The following COL4A5 variants were observed in gnomAD, a reference collection of about 807,000 sequenced individuals.
COL4A5 encodes the protein collagen type IV alpha 5 chain, also known as collagen alpha-5(IV) chain.
COL4A5 carries 26 observed loss-of-function variants against 130.2 expected under a neutral mutation model. That is an observed-to-expected ratio of 0.20 (90% CI 0.15 to 0.28). COL4A5 has a LOEUF of 0.28. Among genes scored for constraint, COL4A5 ranks in the 10% least tolerant of loss-of-function variants. COL4A5 has a pLI of 1.00. For synonymous variants in COL4A5, 496 were observed against 439.6 expected (o/e 1.13, Z -1.60); for missense variants, 1,131 against 1,344.3 (o/e 0.84, Z 2.48).
intron 47 of COL4A5, among the ~76,000 whole-genome samples, chrX:108,683,262 G>C (rs955721630): frequency 9.0e-6 from 1 of 111,184 alleles, no homozygotes; most frequent in African/African-American, 3.3e-5. Context: ...TATCTGTTTC[G>C]GTACCAGTAC....
intron 16 of COL4A5, 41 bp from the exon 17 acceptor site, chrX:108,582,843 A>G (rs2066272495): frequency 9.2e-7 from 1 of 1,085,578 alleles, no homozygotes; most frequent in Non-Finnish European, 1.3e-6. Flanking sequence ...TCCTAACACC[A>G]TCATTTGTGC....
At chrX:108,468,816 ATAATT>A in intron 1 of COL4A5, among the ~76,000 whole-genome samples, 1 of 109,224 alleles carries the variant, frequency 9.2e-6, no homozygotes, top group African/African-American at 3.3e-5. Context: ...CTATTAATCT[ATAATT>A]TTATTTTCTT....
At chrX:108,575,855 A>G (rs1370666361) in intron 9 of COL4A5, 55 bp from the exon 10 acceptor site, 2 of 877,710 alleles carry the variant, frequency 2.3e-6, no homozygotes, top group African/African-American at 2.0e-5. Context: ...AAAAAATACA[A>G]TAAGGGGCTT....
At chrX:108,459,918 G>A (rs1031779594) in intron 1 of COL4A5, among the ~76,000 whole-genome samples, 5 of 111,829 alleles carry the variant, frequency 4.5e-5, no homozygotes, top group Non-Finnish European at 9.4e-5. Flanking sequence ...AATGTTGTAG[G>A]AAACAAGAAA....
intron 1 of COL4A5, among the ~76,000 whole-genome samples, chrX:108,481,415 T>C (rs2064889713): frequency 9.0e-6 from 1 of 111,709 alleles, no homozygotes; most frequent in Non-Finnish European, 1.9e-5. Flanking sequence ...GTCTGTAAAC[T>C]GGCTCAAGTC....
In COL4A5 at chrX:108,597,421, A is replaced by G; in HGVS notation, c.1632A>G (p.Lys544=). ...APGAPGFPGS[K]GEPGDILTFP... ...GTGCTCCAGGCTTTCCTGGATCTAA[A>G]GGTGAACCTGGTGATATCCTCACTT... The change falls in exon 24 of 53, where the codon AAA becomes AAG. Residue 544 remains lysine (K), a synonymous_variant. Coordinates refer to ENST00000328300, the MANE Select transcript of COL4A5 (RefSeq NM_033380.3). The G allele has an allele frequency of 8.3e-7, 1 of 1,211,016 alleles. No homozygotes were observed. Among genetic ancestry groups the G allele is most frequent in the Non-Finnish European group, 1.1e-6 (1 of 895,189 alleles).
At chrX:108,656,968 A>G (rs1439805589) in intron 37 of COL4A5, among the ~76,000 whole-genome samples, 1 of 111,299 alleles carries the variant, frequency 9.0e-6, no homozygotes, top group African/African-American at 3.3e-5. Context: ...GCCTTTCCTA[A>G]TGCTGTTGTG....
chrX:108,559,367 ATTGT>A (rs1311773160), intron 3 of COL4A5, among the ~76,000 whole-genome samples: 3 of 112,498 alleles, frequency 2.7e-5, no homozygotes, highest in Non-Finnish European at 5.6e-5. Context: ...GATGCTGTTG[ATTGT>A]TTGTAGTTAT....
intron 7 of COL4A5, 71 bp downstream of exon 7, chrX:108,571,537 C>A: frequency 1.3e-6 from 1 of 754,675 alleles, no homozygotes; most frequent in Non-Finnish European, 2.1e-6. Flanking sequence ...AGTGAGAGAG[C>A]CCAATGCATT....
At chrX:108,581,675 C>T (rs1215678058) in intron 16 of COL4A5, among the ~76,000 whole-genome samples, 2 of 111,054 alleles carry the variant, frequency 1.8e-5, no homozygotes, top group Non-Finnish European at 3.8e-5. Flanking sequence ...GATCCTTTCA[C>T]ATAACATAAT....
At chrX:108,529,874 A>T (rs1383004670) in intron 1 of COL4A5, among the ~76,000 whole-genome samples, 1 of 111,412 alleles carries the variant, frequency 9.0e-6, no homozygotes, top group Non-Finnish European at 1.9e-5. Context: ...AACTCCAAAT[A>T]TATATGCACC....
intron 2 of COL4A5, among the ~76,000 whole-genome samples, chrX:108,552,416 T>C (rs1415327296): frequency 8.9e-6 from 1 of 111,799 alleles, no homozygotes; most frequent in Non-Finnish European, 1.9e-5. Context: ...CTTTTGTTTT[T>C]CTTTTCCAAT....
chrX:108,695,843 G>T (rs1346920670), intron 52 of COL4A5: 1 of 237,340 alleles, frequency 4.2e-6, no homozygotes, highest in African/African-American at 2.9e-5. Flanking sequence ...GAATGAGCAA[G>T]ACATACGTAA....
chrX:108,532,054 C>T (rs2065392474), intron 1 of COL4A5, among the ~76,000 whole-genome samples: 1 of 111,374 alleles, frequency 9.0e-6, no homozygotes, highest in South Asian at 3.8e-4. Flanking sequence ...TCCAGAAAAT[C>T]CAAGGGTAGG....
intron 1 of COL4A5, among the ~76,000 whole-genome samples, chrX:108,524,599 A>G (rs1029864655): frequency 1.0e-4 from 11 of 109,363 alleles, no homozygotes; most frequent in African/African-American, 3.7e-4. Context: ...TTAGTTTATG[A>G]TTTGGCATCT....
chrX:108,628,409 T>G (rs1188476054), intron 36 of COL4A5, among the ~76,000 whole-genome samples: 1 of 111,510 alleles, frequency 9.0e-6, no homozygotes, highest in Admixed American at 9.6e-5. Context: ...ATAAGTGATT[T>G]TCTCCTCATT....
At chrX:108,500,806 A>G (rs1175793489) in intron 1 of COL4A5, among the ~76,000 whole-genome samples, 2 of 111,495 alleles carry the variant, frequency 1.8e-5, no homozygotes, top group African/African-American at 6.5e-5. Flanking sequence ...CACTGAGAGG[A>G]CAGAAAATAT....
intron 2 of COL4A5, among the ~76,000 whole-genome samples, chrX:108,541,977 A>G (rs1004808687): frequency 8.9e-6 from 1 of 112,210 alleles, no homozygotes; most frequent in Non-Finnish European, 1.9e-5. Flanking sequence ...AATGAAAACC[A>G]ACCCTGAACT....
intron 36 of COL4A5, among the ~76,000 whole-genome samples, chrX:108,631,239 C>T (rs1374596694): frequency 9.0e-6 from 1 of 111,462 alleles, no homozygotes; most frequent in Non-Finnish European, 1.9e-5. Context: ...TATAAATTAC[C>T]TTGGGCAGAA....
Sources: gnomAD v4.1 joint callset for allele counts (sites outside exome capture counted in the v4.1 genomes callset) on GRCh38, gnomAD v4.1.1 for gene constraint, MANE v1.5 for transcripts, NCBI Gene and HGNC (gene_info 2026-07-23, HGNC 2026-07-21) for gene names.